CNTNAP2: variants seen among roughly 807,000 people sequenced by gnomAD.
CNTNAP2 encodes contactin-associated protein-like 2.
CNTNAP2 carries 98 observed loss-of-function variants against 155.2 expected under a neutral mutation model. The observed-to-expected ratio is 0.63, with a 90% confidence interval of 0.54 to 0.75. The LOEUF is 0.75. Ranked by LOEUF, CNTNAP2 falls within the 30% of genes least tolerant of loss-of-function variation. CNTNAP2 has a pLI of 0.00. For synonymous variants in CNTNAP2, 651 were observed against 631.2 expected (o/e 1.03, Z -0.47); for missense variants, 1,727 against 1,688.1 (o/e 1.02, Z -0.40).
chr7:147,738,550 A>AT (rs746946709), intron 13 of CNTNAP2, among the ~76,000 whole-genome samples: 23 of 151,960 alleles, frequency 1.5e-4, no homozygotes, highest in Non-Finnish European at 2.2e-4. Flanking sequence ...AATCATTGGC[A>AT]TTTTTTTAGC....
intron 1 of CNTNAP2, among the ~76,000 whole-genome samples, chr7:146,511,579 T>A (rs1797466983): frequency 6.6e-6 from 1 of 152,224 alleles, no homozygotes; most frequent in Non-Finnish European, 1.5e-5. Flanking sequence ...ATGTATCACA[T>A]TTACAGATTT....
chr7:146,640,905 G>T (rs1310803236), intron 1 of CNTNAP2, among the ~76,000 whole-genome samples: 1 of 152,192 alleles, frequency 6.6e-6, no homozygotes. Context: ...ACAAATGTAA[G>T]GAAGACAACA....
intron 6 of CNTNAP2, chr7:147,121,769 A>G (rs1801116944): frequency 6.6e-6 from 1 of 152,314 alleles, no homozygotes; most frequent in Admixed American, 6.5e-5. Flanking sequence ...ATATAAATAA[A>G]AATATATTCT....
intron 15 of CNTNAP2, among the ~76,000 whole-genome samples, chr7:148,015,341 G>A (rs372558421): frequency 8.5e-5 from 13 of 152,244 alleles, no homozygotes; most frequent in East Asian, 1.9e-4. Context: ...TTCTTCCTAA[G>A]GTTCCTTTTG....
In CNTNAP2 at chr7:147,285,841, C is replaced by T. The variant is rs184850659; in HGVS notation, c.1349-14300C>T. On this transcript the variant is annotated intron_variant, in intron 8 of 23. Coordinates refer to ENST00000361727, the MANE Select transcript of CNTNAP2 (RefSeq NM_014141.6). ...CATATTACAATTAGGATATGGAAAA[C>T]AAGAGAATGCCTATATTTGGGATGA... Among the ~76,000 whole-genome samples, 506 of 152,104 alleles carry T rather than the reference C, an allele frequency of 3.3e-3. 3 individuals carry two copies. Among genetic ancestry groups the T allele is most frequent in the Non-Finnish European group, 5.7e-3 (389 of 67,946 alleles).
intron 15 of CNTNAP2, among the ~76,000 whole-genome samples, chr7:148,111,335 A>T (rs1355485605): frequency 1.3e-5 from 2 of 152,204 alleles, no homozygotes; most frequent in Admixed American, 1.3e-4. Context: ...GAGACAAGAG[A>T]AGATATTGAG....
intron 2 of CNTNAP2, among the ~76,000 whole-genome samples, chr7:146,838,444 A>G (rs1054635280): frequency 2.0e-5 from 3 of 152,188 alleles, no homozygotes; most frequent in South Asian, 4.1e-4. Flanking sequence ...CAGCCTTCCC[A>G]GTAGCTGGGA....
At chr7:146,710,729 A>G (rs925674217) in intron 1 of CNTNAP2, among the ~76,000 whole-genome samples, 12 of 152,200 alleles carry the variant, frequency 7.9e-5, no homozygotes, top group African/African-American at 2.9e-4. Context: ...TCACAGAGTC[A>G]GTGGCCACTG....
At chr7:148,347,091 T>C (rs544947200) in intron 21 of CNTNAP2, among the ~76,000 whole-genome samples, 1 of 151,968 alleles carries the variant, frequency 6.6e-6, no homozygotes, top group East Asian at 1.9e-4. Context: ...ACCCCGTCTC[T>C]ACTAAAAATA....
At chr7:147,348,621 G>A (rs1322726387) in intron 9 of CNTNAP2, among the ~76,000 whole-genome samples, 1 of 151,954 alleles carries the variant, frequency 6.6e-6, no homozygotes, top group East Asian at 1.9e-4. Context: ...ACTACCATAT[G>A]ATCCAGCAAT....
intron 1 of CNTNAP2, among the ~76,000 whole-genome samples, chr7:146,610,660 A>G (rs1291098219): frequency 6.6e-6 from 1 of 152,174 alleles, no homozygotes; most frequent in Admixed American, 6.5e-5. Flanking sequence ...CTCCTCTAAT[A>G]ATCTTGATTT....
At chr7:146,844,601 A>T (rs1682968991) in intron 3 of CNTNAP2, among the ~76,000 whole-genome samples, 2 of 152,224 alleles carry the variant, frequency 1.3e-5, no homozygotes, top group South Asian at 2.1e-4. Context: ...GGCTTTTGCT[A>T]AGAGGCCTGT....
At chr7:148,256,303 G>A (rs776165511) in intron 20 of CNTNAP2, among the ~76,000 whole-genome samples, 23 of 152,090 alleles carry the variant, frequency 1.5e-4, no homozygotes, top group Non-Finnish European at 2.6e-4. Context: ...AGCCCCCAGA[G>A]ACATGGGAAA....
intron 1 of CNTNAP2, among the ~76,000 whole-genome samples, chr7:146,448,362 T>C (rs1409116228): frequency 1.3e-5 from 2 of 152,064 alleles, no homozygotes; most frequent in Middle Eastern, 3.4e-3. Context: ...CTATACTCTG[T>C]AATTTCAGAA....
chr7:148,198,638 G>A (rs1338728237), intron 18 of CNTNAP2, among the ~76,000 whole-genome samples: 1 of 152,058 alleles, frequency 6.6e-6, no homozygotes, highest in African/African-American at 2.4e-5. Context: ...ATACTCCCTG[G>A]GCCATCTTTT....
chr7:147,084,489 T>C (rs1406054328), intron 4 of CNTNAP2, among the ~76,000 whole-genome samples: 1 of 143,386 alleles, frequency 7.0e-6, no homozygotes, highest in East Asian at 2.1e-4. Context: ...TATATGCACA[T>C]AGCATGCTTA....
chr7:147,611,448 T>G (rs12532797), intron 12 of CNTNAP2, among the ~76,000 whole-genome samples: 103,687 of 151,648 alleles, frequency 0.68, 35,857 homozygotes, highest in African/African-American at 0.78. Flanking sequence ...TAGCTGTATT[T>G]TAAAAGGATT....
intron 13 of CNTNAP2, among the ~76,000 whole-genome samples, chr7:147,783,197 G>A (rs1275303899): frequency 6.6e-6 from 1 of 152,124 alleles, no homozygotes; most frequent in Non-Finnish European, 1.5e-5. Flanking sequence ...GTATGTTTTA[G>A]GTAAGTTGGG....
At chr7:146,901,027 G>GTAA in intron 3 of CNTNAP2, among the ~76,000 whole-genome samples, 1 of 130,132 alleles carries the variant, frequency 7.7e-6, no homozygotes, top group East Asian at 1.9e-4. Flanking sequence ...TCTGATTAAA[G>GTAA]TAGTAATAAT....
Sources: gnomAD v4.1 joint callset for allele counts (sites outside exome capture counted in the v4.1 genomes callset) on GRCh38, gnomAD v4.1.1 for gene constraint, MANE v1.5 for transcripts, NCBI Gene and HGNC (gene_info 2026-07-23, HGNC 2026-07-21) for gene names.